The following RSRC1 variants were observed in gnomAD, a reference collection of about 807,000 sequenced individuals.
RSRC1 encodes the protein arginine and serine rich coiled-coil 1, also known as serine/Arginine-related protein 53.
RSRC1 carries 39 observed loss-of-function variants against 49.1 expected under a neutral mutation model. That is an observed-to-expected ratio of 0.79 (90% CI 0.61 to 1.04). The LOEUF is 1.04. Among genes scored for constraint, RSRC1 ranks in the 50% least tolerant of loss-of-function variants. The pLI is 0.00. For missense variants in RSRC1, 388 were observed against 402.4 expected (o/e 0.96, Z 0.31); for synonymous variants, 143 against 130.8 (o/e 1.09, Z -0.63).
At chr3:158,516,225 G>T (rs920381133) in intron 7 of RSRC1, among the ~76,000 whole-genome samples, 4 of 152,022 alleles carry the variant, frequency 2.6e-5, no homozygotes, top group Non-Finnish European at 5.9e-5. Flanking sequence ...CATCTTTGTG[G>T]TTTTATCTAC....
chr3:158,376,790 A>C (rs1162128805), intron 6 of RSRC1, among the ~76,000 whole-genome samples: 1 of 151,982 alleles, frequency 6.6e-6, no homozygotes, highest in Non-Finnish European at 1.5e-5. Context: ...TACAATCAGC[A>C]CCTATTATTC....
At chr3:158,536,956 A>G in intron 7 of RSRC1, 136 bp from the exon 8 acceptor site, 1 of 610,964 alleles carries the variant, frequency 1.6e-6, no homozygotes, top group Non-Finnish European at 2.9e-6. Context: ...CTCAGAACAA[A>G]AGAGTTTCTT....
intron 3 of RSRC1, among the ~76,000 whole-genome samples, chr3:158,174,968 C>A (rs1164782127): frequency 6.6e-6 from 1 of 152,184 alleles, no homozygotes; most frequent in East Asian, 1.9e-4. Context: ...TGCTCTACAT[C>A]CCTGCCAACA....
chr3:158,352,284 A>G (rs1250915896), intron 5 of RSRC1, among the ~76,000 whole-genome samples: 1 of 152,150 alleles, frequency 6.6e-6, no homozygotes, highest in Non-Finnish European at 1.5e-5. Context: ...ACAAAAAAGA[A>G]AAAAGAATCT....
At chr3:158,349,691 C>CTTTTTTTTTTTTT (rs775736592) in intron 5 of RSRC1, among the ~76,000 whole-genome samples, 5 of 74,852 alleles carry the variant, frequency 6.7e-5, no homozygotes, top group Non-Finnish European at 9.3e-5. Flanking sequence ...TCTTACTGCC[C>CTTTTTTTTTTTTT]TTTTTTTTTT....
chr3:158,516,333 C>T (rs1310814509), intron 7 of RSRC1, among the ~76,000 whole-genome samples: 4 of 152,018 alleles, frequency 2.6e-5, no homozygotes, highest in African/African-American at 7.2e-5. Context: ...CCCTCAGCTG[C>T]AGGTCTGTTG....
intron 3 of RSRC1, among the ~76,000 whole-genome samples, chr3:158,199,602 G>C (rs1163954535): frequency 6.6e-6 from 1 of 151,932 alleles, no homozygotes; most frequent in Non-Finnish European, 1.5e-5. Flanking sequence ...TGAAACCTTA[G>C]GTAATTGATT....
chr3:158,389,391 G>A (rs7430565), intron 6 of RSRC1, among the ~76,000 whole-genome samples: 92,687 of 151,990 alleles, frequency 0.61, 29,156 homozygotes, highest in African/African-American at 0.75. Context: ...GGACAAAGCT[G>A]TAAAACCTAA....
At chr3:158,445,588 G>T (rs779216167) in intron 6 of RSRC1, among the ~76,000 whole-genome samples, 7 of 151,886 alleles carry the variant, frequency 4.6e-5, no homozygotes, top group Non-Finnish European at 1.0e-4. Flanking sequence ...CACCAACATG[G>T]CACATGTATA....
At chr3:158,373,678 A>G (rs996415938) in intron 6 of RSRC1, among the ~76,000 whole-genome samples, 1 of 151,972 alleles carries the variant, frequency 6.6e-6, no homozygotes, top group African/African-American at 2.4e-5. Context: ...GCAATTATAA[A>G]TACTTCATTA....
chr3:158,255,439 C>G (rs1293764293), intron 4 of RSRC1, among the ~76,000 whole-genome samples: 4 of 152,120 alleles, frequency 2.6e-5, no homozygotes, highest in African/African-American at 7.2e-5. Context: ...TGTTTTGGTA[C>G]CAGTACCATG....
chr3:158,436,220 T>C lies in RSRC1; in HGVS notation c.584-24715T>C, dbSNP rs1022407005. 2.6e-5 allele frequency among the ~76,000 whole-genome samples: 4 copies of C among 151,826 alleles called. No homozygotes were observed. The East Asian group carries it at 7.8e-4, about 29-fold the overall frequency. On this transcript the variant is annotated intron_variant, in intron 6 of 9. Coordinates refer to ENST00000611884, the MANE Select transcript of RSRC1 (RefSeq NM_001271838.2). ...GTCTAGTGGGGAAGAAAGACACTTGTTCAATTGGCTATAGTAGAAAAATAC... is the reference window on the plus strand; with the variant it reads ...GTCTAGTGGGGAAGAAAGACACTTGCTCAATTGGCTATAGTAGAAAAATAC...
chr3:158,282,613 C>T (rs1257641413), intron 4 of RSRC1, among the ~76,000 whole-genome samples: 1 of 152,048 alleles, frequency 6.6e-6, no homozygotes, highest in African/African-American at 2.4e-5. Flanking sequence ...TTAGCGCTTA[C>T]CCATTAAATG....
chr3:158,445,673 G>A (rs559324015), intron 6 of RSRC1, among the ~76,000 whole-genome samples: 2 of 151,884 alleles, frequency 1.3e-5, no homozygotes, highest in African/African-American at 4.8e-5. Flanking sequence ...CGAAAAAAAC[G>A]AAGTATGCCT....
chr3:158,208,756 T>A (rs1462979726), intron 4 of RSRC1, among the ~76,000 whole-genome samples: 3 of 152,164 alleles, frequency 2.0e-5, no homozygotes, highest in Non-Finnish European at 4.4e-5. Flanking sequence ...TAAGTTGAAA[T>A]TGGATACAAC....
intron 7 of RSRC1, among the ~76,000 whole-genome samples, chr3:158,494,638 T>C (rs1739230659): frequency 6.6e-6 from 1 of 152,222 alleles, no homozygotes; most frequent in Admixed American, 6.5e-5. Flanking sequence ...TTATACACTG[T>C]ACAAAAATAT....
rs922086185 is a variant in RSRC1, at chr3:158,373,373, A to T, written c.583+18465A>T. ...GATGTAAACTGTAGGTTTTTCATAG[A>T]TGACTTTTTTTACGTTGAGGACGTT... On this transcript the variant is annotated intron_variant, in intron 6 of 9. Transcript: ENST00000611884. Among the ~76,000 whole-genome samples the T allele has an allele frequency of 6.4e-4, 97 of 151,884 alleles. 2 individuals carry two copies. Among genetic ancestry groups the T allele is most frequent in the Admixed American group, 1.0e-3 (16 of 15,246 alleles).
chr3:158,226,068 C>T (rs79340069), intron 4 of RSRC1, among the ~76,000 whole-genome samples: 2,945 of 151,860 alleles, frequency 0.019, 50 homozygotes, highest in Non-Finnish European at 0.031. Context: ...GTCCCCATTG[C>T]GCTAGGCCCT....
intron 3 of RSRC1, among the ~76,000 whole-genome samples, chr3:158,187,946 C>A (rs1720022327): frequency 6.6e-6 from 1 of 151,704 alleles, no homozygotes; most frequent in Non-Finnish European, 1.5e-5. Flanking sequence ...ATTTTTTTAA[C>A]CTTTGAATGG....
Sources: allele counts gnomAD v4.1 joint callset (sites outside exome capture counted in the v4.1 genomes callset), GRCh38; gene constraint gnomAD v4.1.1; transcripts MANE v1.5; gene names NCBI Gene and HGNC (gene_info 2026-07-23, HGNC 2026-07-21).